Variants in DNA2 observed in about 807,000 individuals in gnomAD.
DNA2 encodes DNA replication ATP-dependent helicase/nuclease DNA2.
A neutral mutation model predicts 119.1 loss-of-function variants in DNA2; 101 were observed. The ratio of observed to expected loss-of-function variants is 0.85; its 90% CI spans 0.72 to 1.00. The LOEUF is 1.00. Among genes scored for constraint, DNA2 ranks in the 50% least tolerant of loss-of-function variants. The pLI is 0.00. For missense variants in DNA2, 1,121 were observed against 1,255.5 expected (o/e 0.89, Z 1.62); for synonymous variants, 366 against 424.4 (o/e 0.86, Z 1.69).
intron 19 of DNA2, among the ~76,000 whole-genome samples, chr10:68,417,316 C>T (rs769774257): frequency 8.6e-5 from 12 of 139,394 alleles, no homozygotes; most frequent in Non-Finnish European, 1.4e-4. Flanking sequence ...CCTTTTATTA[C>T]GTATATTTTA....
chr10:68,443,173 G>T, intron 8 of DNA2, 62 bp from the exon 9 acceptor site: 1 of 1,372,252 alleles, frequency 7.3e-7, no homozygotes, highest in Non-Finnish European at 9.8e-7. Context: ...GGTACGAAGT[G>T]AGATAATTCC....
rs1564884408 is a variant in DNA2, at chr10:68,437,015, C to CATT, written c.1641_1642insAAT (p.Leu547_Asp548insAsn). 6.2e-7 allele frequency: 1 copy of CATT among 1,605,918 alleles called. No homozygotes were observed. Among genetic ancestry groups the CATT allele is most frequent in the Admixed American group, 1.7e-5 (1 of 58,958 alleles). On this transcript the variant is annotated inframe_insertion, in exon 10 of 21. Coordinates refer to ENST00000358410, the MANE Select transcript of DNA2 (RefSeq NM_001080449.3). ...AAAAAAGTAACATTTCATTACCTGT[C>CATT]TAATAAACAAGTTACTGTTGTCATG... is the stretch of plus-strand genomic sequence containing the variant.
intron 6 of DNA2, among the ~76,000 whole-genome samples, chr10:68,448,956 T>TGTGTGTGC (rs1564890368): frequency 2.0e-4 from 26 of 126,910 alleles, no homozygotes; most frequent in Admixed American, 4.4e-4. Flanking sequence ...TGTGTGTGTG[T>TGTGTGTGC]GTGTGTGTGT....
At chr10:68,426,001 T>G (rs1418570448) in intron 14 of DNA2, among the ~76,000 whole-genome samples, 1 of 150,874 alleles carries the variant, frequency 6.6e-6, no homozygotes, top group Admixed American at 6.6e-5. Flanking sequence ...CCAGGCATGG[T>G]AGTGCATGCC....
At chr10:68,435,046 C>A (rs1288692051) in intron 10 of DNA2, among the ~76,000 whole-genome samples, 1 of 151,362 alleles carries the variant, frequency 6.6e-6, no homozygotes, top group East Asian at 1.9e-4. Context: ...TTGGTCTCTG[C>A]CACAATTTTT....
chr10:68,419,006 G>A lies in DNA2; in HGVS notation c.2967+28C>T, dbSNP rs369126259. 41 of 1,551,066 alleles carry A rather than the reference G, an allele frequency of 2.6e-5. No homozygotes were observed. The African/African-American group carries it at 5.1e-4, about 19-fold the overall frequency. On this transcript the variant is annotated intron_variant, in intron 19 of 20. Transcript: ENST00000358410. ...TTAAAGAGAGAGAAATGCCCCAAAT[G>A]AATCAGTAGCAAACACAATTAACTC...
At chr10:68,455,681 C>G (rs182235311) in intron 5 of DNA2, among the ~76,000 whole-genome samples, 1 of 151,930 alleles carries the variant, frequency 6.6e-6, no homozygotes, top group Non-Finnish European at 1.5e-5. Context: ...ATTAGCCAGG[C>G]GTGGTGGCTC....
chr10:68,435,310 G>A (rs2051873606), intron 10 of DNA2, among the ~76,000 whole-genome samples: 1 of 151,702 alleles, frequency 6.6e-6, no homozygotes, highest in African/African-American at 2.4e-5. Context: ...CAGCCTCCCA[G>A]TGTGCTAGGA....
In DNA2 at chr10:68,416,791, A is replaced by T. The variant is rs368953963; in HGVS notation, c.3032T>A (p.Leu1011Gln). 1.2e-6 allele frequency: 2 copies of T among 1,613,944 alleles called. No homozygotes were observed. The highest frequency in any genetic ancestry group is 2.7e-5 in the African/African-American group (2 of 75,072). ...TGAGGGCACACACCCCAGAAGAATCAGTTTATGTTTGGCTCTGGTTATAGC... is the reference window on the plus strand; with the variant it reads ...TGAGGGCACACACCCCAGAAGAATCTGTTTATGTTTGGCTCTGGTTATAGC... ...NVAITRAKHK[L>Q]ILLGCVPSLN... The change falls in exon 20 of 21, where the codon CTG (leucine) becomes CAG (glutamine). Residue 1011 changes from leucine to glutamine, a missense_variant. Leu to Gln is a moderately radical substitution (Grantham distance 113). Coordinates refer to ENST00000358410, the MANE Select transcript of DNA2 (RefSeq NM_001080449.3).
chr10:68,415,237 A>G, intron 20 of DNA2, 130 bp from the exon 21 acceptor site: 1 of 581,146 alleles, frequency 1.7e-6, no homozygotes, highest in Non-Finnish European at 3.1e-6. Context: ...ATGGCATTCA[A>G]TGAATAATTA....
At chr10:68,419,468 T>C in intron 18 of DNA2, 1 of 500,348 alleles carries the variant, frequency 2.0e-6, no homozygotes, top group Non-Finnish European at 3.5e-6. Context: ...ACTAAAACAG[T>C]GCACACACAC....
At chr10:68,441,753 T>C (rs376767782) in intron 9 of DNA2, among the ~76,000 whole-genome samples, 2 of 151,970 alleles carry the variant, frequency 1.3e-5, no homozygotes, top group East Asian at 3.9e-4. Context: ...CCAGCCTGGG[T>C]GACAGAGTGA....
At position 68,446,729 on chromosome 10, in the gene DNA2, AAAAAGCCAGACACAG is replaced by A. The variant is rs200343842; in HGVS notation, c.940-331_940-317del. 0.029 allele frequency among the ~76,000 whole-genome samples: 4,360 copies of A among 152,214 alleles called. 106 individuals carry two copies. The highest frequency in any genetic ancestry group is 0.051 in the Middle Eastern group (15 of 294). ...AAGTGATAGTCATTATGTTAAGCAA[AAAAAGCCAGACACAG>A]AAAACTTTGTATGTTCTCACTTACT... On this transcript the variant is annotated intron_variant, in intron 6 of 20. Coordinates refer to ENST00000358410, the MANE Select transcript of DNA2 (RefSeq NM_001080449.3).
intron 8 of DNA2, among the ~76,000 whole-genome samples, chr10:68,444,017 G>C (rs373271890): frequency 1.0e-3 from 154 of 152,258 alleles, no homozygotes; most frequent in African/African-American, 3.5e-3. Context: ...AGCACTTTGG[G>C]AGGCCAAGAC....
intron 14 of DNA2, among the ~76,000 whole-genome samples, chr10:68,423,477 C>G (rs1194407431): frequency 6.6e-6 from 1 of 152,150 alleles, no homozygotes; most frequent in Non-Finnish European, 1.5e-5. Context: ...AAAGTCTGCT[C>G]TCTCCAGCTG....
chr10:68,429,271 G>C lies in DNA2; in HGVS notation c.2208+1165C>G, dbSNP rs893627450. On this transcript the variant is annotated intron_variant, in intron 14 of 20. Coordinates refer to ENST00000358410, the MANE Select transcript of DNA2 (RefSeq NM_001080449.3). ...TAAAAAAAAAAAAAAAAAGCCGGGC[G>C]CAGTAGTTCACGCCTATAATCCTGG... Among the ~76,000 whole-genome samples, 11 of 150,502 alleles carry C rather than the reference G, an allele frequency of 7.3e-5. No individual in the cohort carries two copies. The South Asian group carries it at 2.3e-3, about 32-fold the overall frequency.
rs150738138 is a variant in DNA2 at position 68,418,968 on chromosome 10, C to T, written c.2967+66G>A. On this transcript the variant is annotated intron_variant, in intron 19 of 20. Coordinates refer to ENST00000358410, the MANE Select transcript of DNA2 (RefSeq NM_001080449.3). ...GATTACAGGTGTGAGCCACCGCGCCCGGCCCACAATTTTTAAAGAGAGAGA... is the reference window on the plus strand; with the variant it reads ...GATTACAGGTGTGAGCCACCGCGCCTGGCCCACAATTTTTAAAGAGAGAGA... The T allele has an allele frequency of 3.8e-4, 559 of 1,461,764 alleles. 4 individuals are homozygous for T. The African/African-American group carries it at 6.4e-3, about 17-fold the overall frequency. 90.5% of individuals were successfully genotyped at this position (1,461,764 alleles called of 1,614,324 possible).
chr10:68,438,517 C>CT (rs2051922503), intron 9 of DNA2, among the ~76,000 whole-genome samples: 1 of 126,460 alleles, frequency 7.9e-6, no homozygotes, highest in Non-Finnish European at 1.6e-5. Flanking sequence ...GAAACTCCGT[C>CT]TCAAAAAAAA....
At chr10:68,436,928 T>C (rs868751804) in intron 10 of DNA2, 83 bp downstream of exon 10, 3 of 1,100,602 alleles carry the variant, frequency 2.7e-6, no homozygotes, top group South Asian at 3.0e-5. Flanking sequence ...AACCAGCGAA[T>C]TGTACATTTT....
Sources: allele counts gnomAD v4.1 joint callset (sites outside exome capture counted in the v4.1 genomes callset), GRCh38; gene constraint gnomAD v4.1.1; transcripts MANE v1.5; gene names NCBI Gene and HGNC (gene_info 2026-07-23, HGNC 2026-07-21).